Variants in ACACA observed in about 807,000 individuals in gnomAD.
ACACA encodes the protein acetyl-CoA carboxylase 1.
Under a neutral mutation model 296.1 loss-of-function variants are expected in ACACA, and 103 were observed. The ratio of observed to expected loss-of-function variants is 0.35; its 90% CI spans 0.30 to 0.41. The LOEUF (loss-of-function observed/expected upper bound fraction) is 0.41. Among genes scored for constraint, ACACA ranks in the 10% least tolerant of loss-of-function variants. ACACA has a pLI of 1.00. For synonymous variants in ACACA, 953 were observed against 1,038.6 expected, an observed-to-expected ratio of 0.92 and a Z score of 1.58; for missense variants, 1,554 against 2,989.7, an observed-to-expected ratio of 0.52 and a Z score of 11.20.
chr17:37,323,693 G>C (rs1385118202), intron 3 of ACACA, among the ~76,000 whole-genome samples: 1 of 152,194 alleles, frequency 6.6e-6, no homozygotes, highest in Admixed American at 6.5e-5. Context: ...AAAGAGGAAA[G>C]AAATCACACT....
At chr17:37,189,176 C>G (rs1321566698) in intron 38 of ACACA, among the ~76,000 whole-genome samples, 1 of 152,190 alleles carries the variant, frequency 6.6e-6, no homozygotes, top group Non-Finnish European at 1.5e-5. Flanking sequence ...GTTATTTTAA[C>G]TAAATGGCCT....
chr17:37,142,994 C>A (rs540384587), intron 45 of ACACA, among the ~76,000 whole-genome samples: 1 of 152,310 alleles, frequency 6.6e-6, no homozygotes, highest in South Asian at 2.1e-4. Flanking sequence ...TTAGAGAAGA[C>A]TATGGCAGTG....
At chr17:37,384,347 G>A (rs775911954) in intron 1 of ACACA, among the ~76,000 whole-genome samples, 9 of 152,190 alleles carry the variant, frequency 5.9e-5, no homozygotes, top group Non-Finnish European at 1.3e-4. Flanking sequence ...ATTTGGAAAA[G>A]GAAAAGACGG....
At chr17:37,205,470 A>T (rs563214601) in intron 33 of ACACA, among the ~76,000 whole-genome samples, 31 of 152,178 alleles carry the variant, frequency 2.0e-4, no homozygotes, top group Non-Finnish European at 4.4e-4. Flanking sequence ...ACCAAAGGAA[A>T]ATACTTGGTA....
chr17:37,174,020 A>ATATTTTTTTTTTTTTT (rs552735515), intron 41 of ACACA, among the ~76,000 whole-genome samples: 1 of 16,796 alleles, frequency 6.0e-5, no homozygotes. Flanking sequence ...ATATATATAT[A>ATATTTTTTTTTTTTTT]TTTTTTTTTT....
intron 2 of ACACA, 122 bp from the exon 3 acceptor site, chr17:37,330,547 A>T: frequency 8.0e-7 from 1 of 1,252,012 alleles, no homozygotes; most frequent in Admixed American, 1.9e-5. Flanking sequence ...TTTGAGAACT[A>T]ACTTCCTTGG....
At chr17:37,290,806 G>A (rs532826388) in intron 3 of ACACA, among the ~76,000 whole-genome samples, 3 of 152,160 alleles carry the variant, frequency 2.0e-5, no homozygotes, top group African/African-American at 7.2e-5. Flanking sequence ...TAACACTGGC[G>A]GGCACAGTGG....
chr17:37,150,137 A>G (rs1384914991), intron 44 of ACACA, among the ~76,000 whole-genome samples, 163 bp from the exon 45 acceptor site: 1 of 152,238 alleles, frequency 6.6e-6, no homozygotes, highest in Non-Finnish European at 1.5e-5. Context: ...TCATGGTCAA[A>G]GAAAAGAAAA....
chr17:37,090,292 A>AACTT (rs2072527035), intron 54 of ACACA, among the ~76,000 whole-genome samples: 1 of 152,166 alleles, frequency 6.6e-6, no homozygotes, highest in African/African-American at 2.4e-5. Flanking sequence ...TCCTGTCTCT[A>AACTT]ACTTAGCTGC....
At chr17:37,203,713 A>T (rs986109567) in intron 33 of ACACA, among the ~76,000 whole-genome samples, 8 of 152,150 alleles carry the variant, frequency 5.3e-5, no homozygotes, top group Admixed American at 2.0e-4. Context: ...ATTGCACTCC[A>T]GCCTGGGCAA....
At chr17:37,347,026 C>T (rs891174436) in intron 1 of ACACA, among the ~76,000 whole-genome samples, 6 of 152,102 alleles carry the variant, frequency 3.9e-5, no homozygotes, top group Non-Finnish European at 7.3e-5. Flanking sequence ...GAAGGGCCAG[C>T]GGCTGAATGA....
chr17:37,386,178 G>T (rs922800505), intron 1 of ACACA: 139 of 1,207,926 alleles, frequency 1.2e-4, no homozygotes, highest in Non-Finnish European at 1.5e-4. Context: ...GGAGTAAAAT[G>T]GGAACAGAAA....
chr17:37,206,002 G>T, intron 32 of ACACA, 130 bp from the exon 33 acceptor site: 1 of 754,858 alleles, frequency 1.3e-6, no homozygotes, highest in Non-Finnish European at 2.3e-6. Flanking sequence ...TTGCCCAGCA[G>T]TAGGAATGAG....
At chr17:37,343,478 T>C (rs1413493380) in intron 1 of ACACA, among the ~76,000 whole-genome samples, 1 of 152,024 alleles carries the variant, frequency 6.6e-6, no homozygotes, top group Non-Finnish European at 1.5e-5. Context: ...TTAAATGTTT[T>C]CAAAGAGGCC....
chr17:37,394,375 T>C (rs972427067), intron 1 of ACACA, among the ~76,000 whole-genome samples: 5 of 151,840 alleles, frequency 3.3e-5, no homozygotes, highest in African/African-American at 1.2e-4. Flanking sequence ...CACACCCAGC[T>C]AATTTTTGTA....
chr17:37,186,278 T>A (rs1253022580), intron 39 of ACACA, among the ~76,000 whole-genome samples: 1 of 152,224 alleles, frequency 6.6e-6, no homozygotes, highest in Non-Finnish European at 1.5e-5. Context: ...TGACCCATAG[T>A]CTGCTCCCTT....
intron 39 of ACACA, among the ~76,000 whole-genome samples, chr17:37,187,309 C>T (rs941132778): frequency 1.3e-5 from 2 of 152,198 alleles, no homozygotes; most frequent in Non-Finnish European, 2.9e-5. Flanking sequence ...ATTTTCCTGA[C>T]TCTATTCCTG....
chr17:37,380,310 G>A (rs1171031592), intron 1 of ACACA, among the ~76,000 whole-genome samples: 1 of 150,632 alleles, frequency 6.6e-6, no homozygotes, highest in Non-Finnish European at 1.5e-5. Context: ...AGCATCGGGA[G>A]ATATACCTAA....
At chr17:37,327,142 C>T (rs1039272793) in intron 3 of ACACA, among the ~76,000 whole-genome samples, 3 of 152,170 alleles carry the variant, frequency 2.0e-5, no homozygotes, top group African/African-American at 7.2e-5. Flanking sequence ...CTAAACTCAA[C>T]TTAGTCTCTA....
Sources: gnomAD v4.1 joint callset for allele counts (sites outside exome capture counted in the v4.1 genomes callset) on GRCh38, gnomAD v4.1.1 for gene constraint, MANE v1.5 for transcripts, NCBI Gene and HGNC (gene_info 2026-07-23, HGNC 2026-07-21) for gene names.